The following XKR6 variants were observed in gnomAD, a reference collection of about 807,000 sequenced individuals.
XKR6 encodes XK related 6.
XKR6 carries 22 observed loss-of-function variants against 56.7 expected under a neutral mutation model. That is an observed-to-expected ratio of 0.39 (90% CI 0.28 to 0.55). The LOEUF (loss-of-function observed/expected upper bound fraction) is 0.55. Among genes scored for constraint, XKR6 ranks in the 20% least tolerant of loss-of-function variants. The probability of loss-of-function intolerance (pLI) is 0.66; values close to 1 mark genes in which losing one functional copy is unlikely to be tolerated. For missense variants in XKR6, 852 were observed against 889.0 expected (o/e 0.96, Z 0.53); for synonymous variants, 524 against 387.8 (o/e 1.35, Z -4.13).
chr8:11,176,555 A>C (rs1001696943), intron 1 of XKR6, among the ~76,000 whole-genome samples: 13 of 152,228 alleles, frequency 8.5e-5, no homozygotes, highest in Non-Finnish European at 1.5e-4. Flanking sequence ...CAGATTTTAC[A>C]TCAAATTCTT....
chr8:11,130,230 G>C (rs1800037808), intron 1 of XKR6, among the ~76,000 whole-genome samples: 2 of 152,086 alleles, frequency 1.3e-5, no homozygotes, highest in South Asian at 2.1e-4. Flanking sequence ...TCAGTTTACA[G>C]TTTAATTTTT....
chr8:11,180,434 A>C (rs1345752182), intron 1 of XKR6, among the ~76,000 whole-genome samples: 1 of 152,200 alleles, frequency 6.6e-6, no homozygotes, highest in Non-Finnish European at 1.5e-5. Context: ...GCCTCTACCA[A>C]CTAGATGCCA....
intron 1 of XKR6, among the ~76,000 whole-genome samples, chr8:11,104,212 G>C (rs1433790341): frequency 6.6e-6 from 1 of 152,204 alleles, no homozygotes; most frequent in Non-Finnish European, 1.5e-5. Context: ...AGTTTTGCAA[G>C]ATCCTGGGAA....
chr8:10,928,745 G>A (rs1406936183), intron 1 of XKR6, among the ~76,000 whole-genome samples: 2 of 152,330 alleles, frequency 1.3e-5, no homozygotes, highest in African/African-American at 4.8e-5. Flanking sequence ...CAAGGCAGGA[G>A]ACTCAGGATT....
chr8:11,173,545 A>C (rs1363696253), intron 1 of XKR6, among the ~76,000 whole-genome samples: 1 of 152,040 alleles, frequency 6.6e-6, no homozygotes, highest in Non-Finnish European at 1.5e-5. Flanking sequence ...AGGATGCTGG[A>C]CAAGCTGCTG....
rs1001081419 is a variant in XKR6 at position 11,200,518 on chromosome 8, G to A, written c.764+58C>T. 5.7e-6 allele frequency: 8 copies of A among 1,393,514 alleles called. No homozygotes were observed. Among genetic ancestry groups the A allele is most frequent in the Non-Finnish European group, 7.4e-6 (8 of 1,081,962 alleles). The allele number at this position is 1,393,514 out of a possible 1,614,324, so 86.3% of individuals were successfully genotyped here. A position where few individuals can be genotyped will look rare whatever the true frequency, so the allele number is the denominator to read the frequency against. On this transcript the variant is annotated intron_variant, in intron 1 of 2. Transcript: ENST00000416569. This position sits in a 1 kb window ranked among gnomAD's most constrained non-coding sequence, Gnocchi z 6.4. Reference sequence around the variant, plus strand: ...TCGAGGGGCCGCCCCGCGAAGCACCGGGAGGGCGGAGGGGGGCTCCTCAGG... The same window carrying A: ...TCGAGGGGCCGCCCCGCGAAGCACCAGGAGGGCGGAGGGGGGCTCCTCAGG...
chr8:11,139,449 C>T (rs77350595), intron 1 of XKR6, among the ~76,000 whole-genome samples: 8 of 152,100 alleles, frequency 5.3e-5, no homozygotes, highest in African/African-American at 1.9e-4. Flanking sequence ...GAGGCACTCA[C>T]TGAAAAGCAC....
At chr8:11,106,021 C>G (rs993464517) in intron 1 of XKR6, 1 of 152,186 alleles carries the variant, frequency 6.6e-6, no homozygotes, top group African/African-American at 2.4e-5. Flanking sequence ...TGATTGCAGA[C>G]TACATCCTTT....
At chr8:11,165,676 A>G (rs2117026793) in intron 1 of XKR6, among the ~76,000 whole-genome samples, 1 of 152,318 alleles carries the variant, frequency 6.6e-6, no homozygotes, top group Admixed American at 6.5e-5. Context: ...TGAAAAATTA[A>G]CAGTGAATCC....
intron 1 of XKR6, among the ~76,000 whole-genome samples, chr8:10,958,609 C>A (rs1184901330): frequency 6.6e-6 from 1 of 152,180 alleles, no homozygotes; most frequent in Non-Finnish European, 1.5e-5. Context: ...GTGTGATCAC[C>A]ATGGGAGCCA....
chr8:11,145,667 A>G (rs116619140), intron 1 of XKR6, among the ~76,000 whole-genome samples: 2,301 of 152,342 alleles, frequency 0.015, 62 homozygotes, highest in African/African-American at 0.052. Flanking sequence ...GGAACTTTAC[A>G]CTGAGAACTA....
intron 1 of XKR6, among the ~76,000 whole-genome samples, chr8:11,087,069 T>G (rs1200218509): frequency 1.3e-5 from 2 of 152,076 alleles, no homozygotes; most frequent in African/African-American, 4.8e-5. Flanking sequence ...CTCTGAACTC[T>G]CTCCCCAGTC....
chr8:11,178,896 G>A (rs188432670), intron 1 of XKR6, among the ~76,000 whole-genome samples: 1 of 151,676 alleles, frequency 6.6e-6, no homozygotes, highest in Admixed American at 6.6e-5. Flanking sequence ...AGAGTAGAGT[G>A]CAGTGGCACA....
chr8:10,985,476 G>C (rs1467372913), intron 1 of XKR6, among the ~76,000 whole-genome samples: 1 of 151,776 alleles, frequency 6.6e-6, no homozygotes, highest in Non-Finnish European at 1.5e-5. Flanking sequence ...ATCTAGGTGT[G>C]TCTAATTCTA....
chr8:11,014,028 G>A (rs754112637), intron 1 of XKR6, among the ~76,000 whole-genome samples: 1 of 152,202 alleles, frequency 6.6e-6, no homozygotes, highest in Non-Finnish European at 1.5e-5. Flanking sequence ...CAGGCCTAAC[G>A]GGCCAGAAGG....
intron 1 of XKR6, among the ~76,000 whole-genome samples, chr8:10,969,551 A>C (rs1043601997): frequency 2.0e-5 from 3 of 152,212 alleles, no homozygotes; most frequent in Admixed American, 6.5e-5. Flanking sequence ...CACACAGCTT[A>C]AGGGGAAATC....
rs1046872249 is a variant in XKR6, at chr8:11,020,877, T to C, written c.765-96047A>G. 2.0e-5 allele frequency among the ~76,000 whole-genome samples: 3 copies of C among 152,204 alleles called. No homozygotes were observed. The East Asian group carries it at 5.8e-4, about 29-fold the overall frequency. ...AAAATGGCAGTGACATGAGTAACTA[T>C]CTCTTAGGGCTGTTGTGATGATCAG... is the stretch of plus-strand genomic sequence containing the variant. On this transcript the variant is annotated intron_variant, in intron 1 of 2. Coordinates refer to ENST00000416569, the MANE Select transcript of XKR6 (RefSeq NM_173683.4).
At chr8:11,005,363 TATAG>T (rs1008698516) in intron 1 of XKR6, among the ~76,000 whole-genome samples, 4 of 148,800 alleles carry the variant, frequency 2.7e-5, no homozygotes, top group African/African-American at 7.8e-5. Context: ...CTGTAGTAGA[TATAG>T]ATATATATAT....
intron 1 of XKR6, among the ~76,000 whole-genome samples, chr8:11,031,740 C>T (rs1203338704): frequency 6.6e-6 from 1 of 152,242 alleles, no homozygotes; most frequent in Non-Finnish European, 1.5e-5. Flanking sequence ...TCCTCCAAAC[C>T]TCTCCTAACT....
Sources: allele counts gnomAD v4.1 joint callset (sites outside exome capture counted in the v4.1 genomes callset), GRCh38; gene constraint gnomAD v4.1.1; non-coding constraint Gnocchi (gnomAD v3.1); transcripts MANE v1.5; gene names NCBI Gene and HGNC (gene_info 2026-07-23, HGNC 2026-07-21).